CYB561: variants seen among roughly 807,000 people sequenced by gnomAD.
CYB561 encodes transmembrane ascorbate-dependent reductase CYB561.
In CYB561, 11 loss-of-function variants were observed where a neutral mutation model predicts 25.3. The observed-to-expected ratio is 0.44, with a 90% CI of 0.27 to 0.72. The LOEUF is 0.72. CYB561 is among the 30% of genes least tolerant of loss of function. CYB561 has a pLI of 0.18. For missense variants in CYB561, 295 were observed against 334.9 expected, an observed-to-expected ratio of 0.88 and a Z score of 0.93; for synonymous variants, 165 against 158.8, an observed-to-expected ratio of 1.04 and a Z score of -0.29.
chr17:63,441,459 C>T (rs1017084566), intron 1 of CYB561, among the ~76,000 whole-genome samples: 2 of 152,266 alleles, frequency 1.3e-5, no homozygotes, highest in African/African-American at 2.4e-5. Flanking sequence ...CAGCCACCTG[C>T]ACTTGGCCAG....
Position 63,437,514 on chromosome 17 carries a change from C to T in CYB561, c.34G>A (p.Ala12Thr). The T allele has an allele frequency of 6.2e-7, 1 of 1,613,006 alleles. No homozygotes were observed. The highest frequency in any genetic ancestry group is 8.5e-7 in the Non-Finnish European group (1 of 1,179,910). Residue 12 changes from alanine (A) to threonine (T), a missense_variant, in exon 2 of 6, where the codon GCA becomes ACA. Coordinates refer to ENST00000360793, the MANE Select transcript of CYB561 (RefSeq NM_001915.4). ...GAGAAGGCCACGTAGTAAGGCAGTG[C>T]TGTGGGGGTGGCTGCCGCGGCCCCG... ...EGGAAAATPT[A>T]LPYYVAFSQL...
chr17:63,437,522 G>A lies in CYB561; in HGVS notation c.26C>T (p.Thr9Ile), dbSNP rs1406178011. Residue 9 changes from threonine (T) to isoleucine (I), a missense_variant, in exon 2 of 6, where the codon ACC becomes ATC. By Grantham distance (89) the Thr-to-Ile change is moderately conservative. Coordinates refer to ENST00000360793, the MANE Select transcript of CYB561 (RefSeq NM_001915.4). MEGGAAAA[T>I]PTALPYYVAF... Reference sequence around the variant, plus strand: ...CACGTAGTAAGGCAGTGCTGTGGGGGTGGCTGCCGCGGCCCCGCCCTCCAT... The same window carrying A: ...CACGTAGTAAGGCAGTGCTGTGGGGATGGCTGCCGCGGCCCCGCCCTCCAT... 2.2e-5 allele frequency: 35 copies of A among 1,612,276 alleles called. No homozygotes were observed. The highest frequency in any genetic ancestry group is 2.6e-5 in the Non-Finnish European group (31 of 1,179,884).
Position 63,439,760 on chromosome 17 carries a change from T to C in CYB561, c.-13-2200A>G, listed in dbSNP as rs372415770. Among the ~76,000 whole-genome samples, 59 of 152,304 alleles carry C rather than the reference T, an allele frequency of 3.9e-4. 2 individuals carry two copies. The East Asian group carries it at 5.4e-3, about 14-fold the overall frequency. On this transcript the variant is annotated intron_variant, in intron 1 of 5. Coordinates refer to ENST00000360793, the MANE Select transcript of CYB561 (RefSeq NM_001915.4). ...TTTTTAACTGAGGGCGTAGCACACA[T>C]GGATGTTTGTGTCAATGGATACGCG...
chr17:63,438,272 C>G, intron 1 of CYB561: 1 of 1,471,292 alleles, frequency 6.8e-7, no homozygotes, highest in African/African-American at 1.4e-5. Flanking sequence ...GTGAGTTACA[C>G]AGGCAAGCGC....
intron 5 of CYB561, 142 bp from the exon 6 acceptor site, chr17:63,434,736 C>A (rs1414458168): frequency 2.9e-6 from 2 of 698,918 alleles, no homozygotes; most frequent in Non-Finnish European, 4.6e-6. Context: ...GAACAACCAT[C>A]CCCCCGCCCC....
intron 1 of CYB561, chr17:63,438,445 C>G: frequency 3.9e-6 from 2 of 516,308 alleles, no homozygotes; most frequent in Non-Finnish European, 7.0e-6. Flanking sequence ...GCCAGCCCCG[C>G]TCCCCCCACG....
At chr17:63,444,276 C>G (rs1433548761) in intron 1 of CYB561, among the ~76,000 whole-genome samples, 1 of 152,256 alleles carries the variant, frequency 6.6e-6, no homozygotes, top group East Asian at 1.9e-4. Flanking sequence ...CCAGCGCAGC[C>G]CAGGTTAGAG....
At chr17:63,439,115 G>T in intron 1 of CYB561, 1 of 152,448 alleles carries the variant, frequency 6.6e-6, no homozygotes, top group Non-Finnish European at 1.5e-5. Flanking sequence ...TTCACACCCG[G>T]CACACGCTCT....
intron 4 of CYB561, 128 bp from the exon 5 acceptor site, chr17:63,435,371 C>G: frequency 9.9e-7 from 1 of 1,015,216 alleles, no homozygotes; most frequent in East Asian, 2.4e-5. Context: ...GGTTTCCTTC[C>G]TCCTCAGCAC....
chr17:63,434,592 C>T lies in CYB561; in HGVS notation c.566G>A (p.Gly189Asp). 6.2e-7 allele frequency: 1 copy of T among 1,607,982 alleles called. No homozygotes were observed. ...CTCGGGCTCAAATGCGCTATACTTGCCCCTGCAGGGGTGAGAGGAAGGGAG... is the reference window on the plus strand; with the variant it reads ...CTCGGGCTCAAATGCGCTATACTTGTCCCTGCAGGGGTGAGAGGAAGGGAG... ...LKEALLFNLG[G>D]KYSAFEPEGV... Residue 189 changes from glycine to aspartate, a missense_variant and splice_region_variant, in exon 6 of 6, where the codon GGC becomes GAC. Physicochemically the swap from Gly to Asp is moderately conservative, Grantham distance 94. Coordinates refer to ENST00000360793, the MANE Select transcript of CYB561 (RefSeq NM_001915.4).
intron 1 of CYB561, among the ~76,000 whole-genome samples, chr17:63,443,572 A>C (rs1202592433): frequency 6.6e-6 from 1 of 152,244 alleles, no homozygotes; most frequent in Non-Finnish European, 1.5e-5. Flanking sequence ...AGAAGAAAAA[A>C]ATGAACATTT....
chr17:63,437,034 AC>A (rs1284370369), intron 2 of CYB561: 1 of 439,034 alleles, frequency 2.3e-6, no homozygotes, highest in Non-Finnish European at 4.1e-6. Context: ...AATTCAAACC[AC>A]CCCTGCAGCA....
At chr17:63,444,734 A>G (rs2049407343) in intron 1 of CYB561, among the ~76,000 whole-genome samples, 1 of 152,238 alleles carries the variant, frequency 6.6e-6, no homozygotes, top group Admixed American at 6.5e-5. Context: ...TTCAGACAGT[A>G]GAGTGCTTTT....
chr17:63,442,242 G>T (rs987473955), intron 1 of CYB561, among the ~76,000 whole-genome samples: 2 of 152,204 alleles, frequency 1.3e-5, no homozygotes, highest in African/African-American at 4.8e-5. Flanking sequence ...CAGGACTCTC[G>T]TGAGGCCATT....
At chr17:63,438,702 C>T (rs2049343500) in intron 1 of CYB561, among the ~76,000 whole-genome samples, 1 of 152,184 alleles carries the variant, frequency 6.6e-6, no homozygotes, top group Non-Finnish European at 1.5e-5. Flanking sequence ...TGCTCGGCCC[C>T]ACGTGGCCCT....
chr17:63,435,018 G>A, intron 5 of CYB561, 68 bp downstream of exon 5: 3 of 1,493,132 alleles, frequency 2.0e-6, no homozygotes, highest in Non-Finnish European at 1.8e-6. Context: ...AGCTGGGGAA[G>A]CTGAAGGCAG....
In CYB561 at chr17:63,437,784, C is replaced by A. The variant is rs570472490; in HGVS notation, c.-13-224G>T. ...CCCCTGCTAGATGCGCGCAACACCC[C>A]CCCCGGGTTGCGCACAGCCCCCTCC... On this transcript the variant is annotated intron_variant, in intron 1 of 5. Coordinates refer to ENST00000360793, the MANE Select transcript of CYB561 (RefSeq NM_001915.4). The A allele has an allele frequency of 9.3e-4, 429 of 463,568 alleles. 5 individuals are homozygous for A. The highest frequency in any genetic ancestry group is 4.3e-3 in the South Asian group (204 of 47,344). 28.7% of individuals were successfully genotyped at this position (463,568 alleles called of 1,614,324 possible). A position where few individuals can be genotyped will look rare whatever the true frequency, so the allele number is the denominator to read the frequency against.
At position 63,435,146 on chromosome 17, in the gene CYB561, A is replaced by T. The variant is rs1305134493; in HGVS notation, c.503T>A (p.Phe168Tyr). The T allele has an allele frequency of 1.9e-6, 3 of 1,614,104 alleles. No individual in the cohort carries two copies. The African/African-American group carries it at 4.0e-5, about 22-fold the overall frequency. ...PQHIFFGATIFLLSVGTALLG... is the reference protein window; with the variant it reads ...PQHIFFGATIYLLSVGTALLG... Reference sequence around the variant, plus strand: ...CAGGGCGGTGCCCACGGAAAGGAGGAAGATGGTAGCACCAAAGAAGATGTG... The same window carrying T: ...CAGGGCGGTGCCCACGGAAAGGAGGTAGATGGTAGCACCAAAGAAGATGTG... The change falls in exon 5 of 6, where the codon TTC becomes TAC. Residue 168 changes from phenylalanine (F) to tyrosine (Y), a missense_variant. Transcript: ENST00000360793.
Position 63,445,193 on chromosome 17 carries a change from A to G in CYB561, c.-14+1052T>C, listed in dbSNP as rs539439192. On this transcript the variant is annotated intron_variant, in intron 1 of 5. Transcript: ENST00000360793. ...CTCCATCTCAAAAAAAAAAGAAGGA[A>G]GGAAAGTAAGGAAAGCAAGAAAGCA... Among the ~76,000 whole-genome samples, 6 of 152,076 alleles carry G rather than the reference A, an allele frequency of 3.9e-5. No homozygotes were observed. The East Asian group carries it at 1.2e-3, about 29-fold the overall frequency.
Sources: allele counts gnomAD v4.1 joint callset (sites outside exome capture counted in the v4.1 genomes callset), GRCh38; gene constraint gnomAD v4.1.1; transcripts MANE v1.5; gene names NCBI Gene and HGNC (gene_info 2026-07-23, HGNC 2026-07-21).